Variants in UBE2E2 observed in about 807,000 individuals in gnomAD.
UBE2E2 encodes the protein ubiquitin conjugating enzyme E2 E2.
In UBE2E2, 6 loss-of-function variants were observed where a neutral mutation model predicts 24.7. That is an observed-to-expected ratio of 0.24 (90% CI 0.13 to 0.48). The LOEUF (loss-of-function observed/expected upper bound fraction) is 0.48. Among genes scored for constraint, UBE2E2 ranks in the 20% least tolerant of loss-of-function variants. The pLI is 0.99. For missense variants in UBE2E2, 169 were observed against 245.0 expected, an observed-to-expected ratio of 0.69 and a Z score of 2.07; for synonymous variants, 104 against 83.6, an observed-to-expected ratio of 1.24 and a Z score of -1.33.
chr3:23,354,347 A>C (rs1486129491), intron 3 of UBE2E2, among the ~76,000 whole-genome samples: 1 of 152,222 alleles, frequency 6.6e-6, no homozygotes, highest in South Asian at 2.1e-4. Flanking sequence ...CATGTCTAAA[A>C]CACCAAAAGC....
At chr3:23,337,144 A>G (rs1695233087) in intron 3 of UBE2E2, among the ~76,000 whole-genome samples, 1 of 151,944 alleles carries the variant, frequency 6.6e-6, no homozygotes, top group Admixed American at 6.6e-5. Flanking sequence ...TGTCTCAAAA[A>G]AAAAAAAAAA....
intron 3 of UBE2E2, chr3:23,389,726 G>C (rs376987536): frequency 8.4e-5 from 17 of 202,256 alleles, no homozygotes; most frequent in East Asian, 5.2e-4. Flanking sequence ...GGGCAAGTCA[G>C]ATCCACTAGA....
rs1159556113 is a variant in UBE2E2, at chr3:23,585,904, G to T, written c.509-3830G>T. On this transcript the variant is annotated intron_variant, in intron 5 of 5. Transcript: ENST00000396703. Reference sequence around the variant, plus strand: ...AAAAAAATTATTTGGTTGATAACATGTTTTTTTTTTTTATTACCTTTTAGT... The same window carrying T: ...AAAAAAATTATTTGGTTGATAACATTTTTTTTTTTTTTATTACCTTTTAGT... 2.8e-5 allele frequency among the ~76,000 whole-genome samples: 4 copies of T among 145,356 alleles called. No individual in the cohort carries two copies. In the South Asian group the frequency reaches 8.6e-4, roughly 31 times the overall value.
intron 3 of UBE2E2, among the ~76,000 whole-genome samples, chr3:23,411,835 GTTATAA>G (rs973534338): frequency 6.6e-5 from 10 of 152,108 alleles, no homozygotes; most frequent in Non-Finnish European, 1.2e-4. Context: ...GTTAGCTATT[GTTATAA>G]TTATTATGTG....
At chr3:23,389,070 G>C (rs1575600314) in intron 3 of UBE2E2, among the ~76,000 whole-genome samples, 2 of 151,982 alleles carry the variant, frequency 1.3e-5, no homozygotes, top group South Asian at 4.2e-4. Context: ...ATACACAAGA[G>C]GTAAACAATG....
intron 3 of UBE2E2, among the ~76,000 whole-genome samples, chr3:23,312,366 C>G (rs1299664657): frequency 6.6e-6 from 1 of 152,106 alleles, no homozygotes; most frequent in Non-Finnish European, 1.5e-5. Flanking sequence ...TTCCTTCCCA[C>G]AAGCATTTAG....
At chr3:23,293,826 T>A (rs1415106943) in intron 3 of UBE2E2, among the ~76,000 whole-genome samples, 4 of 152,210 alleles carry the variant, frequency 2.6e-5, no homozygotes, top group Non-Finnish European at 5.9e-5. Flanking sequence ...TTTTTTAAAT[T>A]CAGCTTTAGC....
intron 3 of UBE2E2, among the ~76,000 whole-genome samples, chr3:23,233,463 T>C (rs919823537): frequency 6.6e-6 from 1 of 152,182 alleles, no homozygotes; most frequent in African/African-American, 2.4e-5. Context: ...CAGTTTACTG[T>C]TTTGTTGCAT....
At chr3:23,440,343 A>G (rs899201587) in intron 3 of UBE2E2, among the ~76,000 whole-genome samples, 2 of 152,224 alleles carry the variant, frequency 1.3e-5, no homozygotes, top group Admixed American at 6.5e-5. Flanking sequence ...CCTGGACTCA[A>G]GCAATCCTTG....
chr3:23,335,280 A>G (rs1454827431), intron 3 of UBE2E2, among the ~76,000 whole-genome samples: 1 of 152,180 alleles, frequency 6.6e-6, no homozygotes, highest in African/African-American at 2.4e-5. Flanking sequence ...AGACGAAGAA[A>G]AAATAAAAAT....
chr3:23,292,971 G>A (rs937330678), intron 3 of UBE2E2, among the ~76,000 whole-genome samples: 1 of 152,186 alleles, frequency 6.6e-6, no homozygotes, highest in Non-Finnish European at 1.5e-5. Context: ...TACTTGAGAG[G>A]CTGAGGCAGG....
intron 5 of UBE2E2, among the ~76,000 whole-genome samples, chr3:23,563,989 A>AAG (rs748248353): frequency 7.0e-6 from 1 of 142,090 alleles, no homozygotes; most frequent in African/African-American, 2.6e-5. Context: ...GAAAGAAAGA[A>AAG]AAAGAAAAGA....
In UBE2E2 at chr3:23,271,480, C is replaced by T. The variant is rs141664796; in HGVS notation, c.227+54168C>T. ...TAAGGGGACCCGAGTGGGTTGCTGC[C>T]GCTGGCTCGGGCAGCCTGCTTTTAT... On this transcript the variant is annotated intron_variant, in intron 3 of 5. Coordinates refer to ENST00000396703, the MANE Select transcript of UBE2E2 (RefSeq NM_152653.4). Among the ~76,000 whole-genome samples, 185 of 152,256 alleles carry T rather than the reference C, an allele frequency of 1.2e-3. 1 individual carries two copies. In the East Asian group the frequency reaches 0.028, roughly 23 times the overall value.
chr3:23,341,561 A>G (rs1695388136), intron 3 of UBE2E2, among the ~76,000 whole-genome samples: 1 of 152,176 alleles, frequency 6.6e-6, no homozygotes, highest in Admixed American at 6.5e-5. Context: ...TAGGGTCTGC[A>G]TTTGAGCATC....
At chr3:23,326,645 C>G (rs1048450597) in intron 3 of UBE2E2, among the ~76,000 whole-genome samples, 1 of 152,120 alleles carries the variant, frequency 6.6e-6, no homozygotes, top group Admixed American at 6.5e-5. Context: ...TTCCAGAAGT[C>G]TTTTAATGGC....
intron 3 of UBE2E2, among the ~76,000 whole-genome samples, chr3:23,366,412 C>T (rs1194006697): frequency 6.6e-6 from 1 of 152,190 alleles, no homozygotes; most frequent in African/African-American, 2.4e-5. Flanking sequence ...AACCTAAATA[C>T]CCATCAGTGG....
chr3:23,284,499 G>A (rs71317829), intron 3 of UBE2E2, among the ~76,000 whole-genome samples: 2 of 151,808 alleles, frequency 1.3e-5, no homozygotes, highest in Admixed American at 6.6e-5. Context: ...GTCCTGGGCC[G>A]CAGTTATCAT....
chr3:23,287,751 G>T (rs1170363829), intron 3 of UBE2E2, among the ~76,000 whole-genome samples: 1 of 149,476 alleles, frequency 6.7e-6, no homozygotes, highest in African/African-American at 2.4e-5. Flanking sequence ...GATTTCTGCA[G>T]TGTTGGTTGT....
chr3:23,341,330 A>G lies in UBE2E2; in HGVS notation c.227+124018A>G, dbSNP rs528132971. Among the ~76,000 whole-genome samples, 4 of 151,382 alleles carry G rather than the reference A, an allele frequency of 2.6e-5. No individual in the cohort carries two copies. In the South Asian group the frequency reaches 8.3e-4, roughly 31 times the overall value. ...ATTTAATCTTTACAGTTGTTTAAGTACTCATCTTATCCACATTGTGTGGAT... is the reference window on the plus strand; with the variant it reads ...ATTTAATCTTTACAGTTGTTTAAGTGCTCATCTTATCCACATTGTGTGGAT... On this transcript the variant is annotated intron_variant, in intron 3 of 5. Coordinates refer to ENST00000396703, the MANE Select transcript of UBE2E2 (RefSeq NM_152653.4).
Sources: gnomAD v4.1 joint callset for allele counts (sites outside exome capture counted in the v4.1 genomes callset) on GRCh38, gnomAD v4.1.1 for gene constraint, MANE v1.5 for transcripts, NCBI Gene and HGNC (gene_info 2026-07-23, HGNC 2026-07-21) for gene names.